Variants in KLHL24 observed in about 807,000 individuals in gnomAD.
KLHL24 encodes kelch-like protein 24.
A neutral mutation model predicts 53.4 loss-of-function variants in KLHL24; 29 were observed. The ratio of observed to expected loss-of-function variants is 0.54; its 90% CI spans 0.40 to 0.74. KLHL24 has a LOEUF of 0.74. Ranked by LOEUF, KLHL24 falls within the 30% of genes least tolerant of loss-of-function variation. KLHL24 has a pLI of 0.00. For missense variants in KLHL24, 504 were observed against 744.0 expected (o/e 0.68, Z 3.75); for synonymous variants, 222 against 253.7 (o/e 0.88, Z 1.19).
At chr3:183,653,510 G>A (rs1296047659) in intron 3 of KLHL24, among the ~76,000 whole-genome samples, 1 of 152,136 alleles carries the variant, frequency 6.6e-6, no homozygotes, top group African/African-American at 2.4e-5. Flanking sequence ...AAATTTGCAG[G>A]GCGGGGAAAC....
At chr3:183,674,191 A>G (rs73174065) in intron 7 of KLHL24, among the ~76,000 whole-genome samples, 9,718 of 151,922 alleles carry the variant, frequency 0.064, 439 homozygotes, top group Middle Eastern at 0.13. Flanking sequence ...AAAATACTCT[A>G]ATTAGTCTTC....
In KLHL24 at chr3:183,679,318, G is replaced by C; in HGVS notation, c.*32G>C. 6.5e-7 allele frequency: 1 copy of C among 1,546,978 alleles called. No homozygotes were observed. The highest frequency in any genetic ancestry group is 1.4e-5 in the African/African-American group (1 of 73,626). On this transcript the variant is annotated 3_prime_UTR_variant, in exon 8 of 8. Coordinates refer to ENST00000242810, the MANE Select transcript of KLHL24 (RefSeq NM_017644.3). ...GATACCTCACCGAAGAAGCCACACTGATCCAAGATGGGAGGTTTTAAAAAC... is the reference window on the plus strand; with the variant it reads ...GATACCTCACCGAAGAAGCCACACTCATCCAAGATGGGAGGTTTTAAAAAC...
chr3:183,654,590 T>C (rs1178905679), intron 3 of KLHL24, among the ~76,000 whole-genome samples: 1 of 152,216 alleles, frequency 6.6e-6, no homozygotes, highest in Non-Finnish European at 1.5e-5. Context: ...AACTTAATAA[T>C]AATAATTCAT....
intron 3 of KLHL24, among the ~76,000 whole-genome samples, chr3:183,653,538 A>C (rs1000372815): frequency 3.3e-5 from 5 of 152,236 alleles, no homozygotes; most frequent in African/African-American, 1.2e-4. Context: ...GCAGAAGCAG[A>C]ACAAAGGCAG....
chr3:183,667,425 G>C (rs1403875054), intron 5 of KLHL24, among the ~76,000 whole-genome samples: 1 of 152,188 alleles, frequency 6.6e-6, no homozygotes, highest in Admixed American at 6.5e-5. Flanking sequence ...AGCAGCCACT[G>C]AGCGAGCTTT....
intron 7 of KLHL24, among the ~76,000 whole-genome samples, chr3:183,674,286 TCTTTCTTTCTTTCTTTC>T (rs1325834565): frequency 1.2e-4 from 18 of 150,912 alleles, no homozygotes; most frequent in African/African-American, 3.7e-4. Context: ...TTTCTTTCTT[TCTTTCTTTCTTTCTTTC>T]CTTTCTTCCT....
At chr3:183,647,057 C>T (rs1184205678) in intron 2 of KLHL24, among the ~76,000 whole-genome samples, 3 of 150,906 alleles carry the variant, frequency 2.0e-5, no homozygotes, top group Admixed American at 1.3e-4. Context: ...GTGATCCACC[C>T]GCCTCGGTCT....
chr3:183,672,249 C>T, intron 6 of KLHL24, 47 bp from the exon 7 acceptor site: 1 of 980,608 alleles, frequency 1.0e-6, no homozygotes, highest in Non-Finnish European at 1.4e-6. Context: ...AAGTACATTT[C>T]CATTTTTGTT....
chr3:183,656,471 A>G (rs1447216027), intron 3 of KLHL24, among the ~76,000 whole-genome samples: 4 of 152,224 alleles, frequency 2.6e-5, no homozygotes, highest in Admixed American at 2.6e-4. Context: ...AAAAGTTCAT[A>G]TTAATACTTA....
Position 183,672,472 on chromosome 3 carries a change from A to T in KLHL24, c.1590A>T (p.Thr530=), listed in dbSNP as rs1721456497. 6.2e-7 allele frequency: 1 copy of T among 1,605,686 alleles called. No homozygotes were observed. ...ATTACTGGATGCACGTACAGAATACATTCAGCCGTCAGGTAATAACATAAA... is the reference window on the plus strand; with the variant it reads ...ATTACTGGATGCACGTACAGAATACTTTCAGCCGTCAGGTAATAACATAAA... The part of the protein sequence containing the change: ...VEDYWMHVQN[T]FSRQENCGMS... Residue 530 remains threonine (T), a synonymous_variant, in exon 7 of 8, where the codon ACA becomes ACT. Coordinates refer to ENST00000242810, the MANE Select transcript of KLHL24 (RefSeq NM_017644.3).
chr3:183,650,422 T>G lies in KLHL24; in HGVS notation c.66T>G (p.Thr22=). Residue 22 remains threonine, a synonymous_variant, in exon 3 of 8, where the codon ACT becomes ACG. Transcript: ENST00000242810. This position sits in a 1 kb window ranked among gnomAD's most constrained non-coding sequence, Gnocchi z 4.5. ...EDLGVRDSPA[T]KRKVFEMDPK... The stretch of plus-strand genomic sequence containing the variant: ...TTGGGGTGCGTGATTCCCCAGCAAC[T>G]AAGCGAAAAGTTTTTGAAATGGACC... 1 of 1,614,168 alleles carries G rather than the reference T, an allele frequency of 6.2e-7. No homozygotes were observed. Among genetic ancestry groups the G allele is most frequent in the Non-Finnish European group, 8.5e-7 (1 of 1,180,020 alleles).
chr3:183,656,549 A>T (rs1345451057), intron 3 of KLHL24, among the ~76,000 whole-genome samples: 1 of 152,190 alleles, frequency 6.6e-6, no homozygotes. Flanking sequence ...TAACTTAAAC[A>T]GGTCTTAAAT....
At chr3:183,675,847 A>G (rs1404057299) in intron 7 of KLHL24, among the ~76,000 whole-genome samples, 3 of 152,170 alleles carry the variant, frequency 2.0e-5, no homozygotes, top group East Asian at 1.9e-4. Context: ...GTATAAAACG[A>G]TAACAGTTTA....
At position 183,679,533 on chromosome 3, in the gene KLHL24, TG is replaced by T; in HGVS notation, c.*248del. On this transcript the variant is annotated 3_prime_UTR_variant, in exon 8 of 8. Transcript: ENST00000242810. The stretch of plus-strand genomic sequence containing the variant: ...ACTTGGCCTTTGAAGAGTGTACCTT[TG>T]TAAGTATTTGTAAGAAGTCTATGTG... 2 of 422,108 alleles carry T rather than the reference TG, an allele frequency of 4.7e-6. No homozygotes were observed. Among genetic ancestry groups the T allele is most frequent in the South Asian group, 6.1e-5 (2 of 32,804 alleles). 26.1% of individuals were successfully genotyped at this position (422,108 alleles called of 1,614,324 possible). A position where few individuals can be genotyped will look rare whatever the true frequency, so the allele number is the denominator to read the frequency against.
intron 3 of KLHL24, among the ~76,000 whole-genome samples, chr3:183,653,770 T>C (rs1718468910): frequency 6.6e-6 from 1 of 150,982 alleles, no homozygotes; most frequent in South Asian, 2.1e-4. Context: ...AACCCATTTT[T>C]TGGGGGCCTT....
intron 3 of KLHL24, among the ~76,000 whole-genome samples, chr3:183,660,623 C>A (rs927021653): frequency 6.6e-6 from 1 of 152,052 alleles, no homozygotes; most frequent in Admixed American, 6.6e-5. Flanking sequence ...ATGATAAATT[C>A]TTAGATAATT....
chr3:183,654,438 CATTT>C (rs1718570538), intron 3 of KLHL24, among the ~76,000 whole-genome samples: 1 of 151,924 alleles, frequency 6.6e-6, no homozygotes, highest in Non-Finnish European at 1.5e-5. Flanking sequence ...TTCATTCATT[CATTT>C]ATATTTCTTT....
chr3:183,676,213 A>G (rs6806996), intron 7 of KLHL24, among the ~76,000 whole-genome samples: 43,035 of 152,088 alleles, frequency 0.28, 6,269 homozygotes, highest in Middle Eastern at 0.35. Flanking sequence ...CTCCTGCCTC[A>G]GTCTCCCAAG....
At chr3:183,649,919 G>T (rs529921075) in intron 2 of KLHL24, among the ~76,000 whole-genome samples, 4 of 152,004 alleles carry the variant, frequency 2.6e-5, no homozygotes, top group African/African-American at 9.6e-5. Flanking sequence ...TTCTTAAAAA[G>T]AAAGATAACT....
Sources: allele counts gnomAD v4.1 joint callset (sites outside exome capture counted in the v4.1 genomes callset), GRCh38; gene constraint gnomAD v4.1.1; non-coding constraint Gnocchi (gnomAD v3.1); transcripts MANE v1.5; gene names NCBI Gene and HGNC (gene_info 2026-07-23, HGNC 2026-07-21).